The following ARHGAP42 variants were observed in gnomAD, a reference collection of about 807,000 sequenced individuals.
The protein encoded by ARHGAP42 is rho GTPase-activating protein 42.
ARHGAP42 carries 63 observed loss-of-function variants against 125.0 expected under a neutral mutation model. That is an observed-to-expected ratio of 0.50 (90% CI 0.41 to 0.62). ARHGAP42 has a LOEUF of 0.62. ARHGAP42 is among the 20% of genes least tolerant of loss of function. The probability of loss-of-function intolerance (pLI) is 0.00; values close to 1 mark genes in which losing one functional copy is unlikely to be tolerated. For missense variants in ARHGAP42, 766 were observed against 1,024.2 expected (o/e 0.75, Z 3.44); for synonymous variants, 339 against 351.0 (o/e 0.97, Z 0.38).
chr11:100,785,350 T>C (rs1297911615), intron 2 of ARHGAP42, among the ~76,000 whole-genome samples: 2 of 152,142 alleles, frequency 1.3e-5, no homozygotes, highest in Non-Finnish European at 2.9e-5. Context: ...GCTGGGTTCT[T>C]GGTAGAAAGA....
At chr11:100,896,932 G>A (rs1591276486) in intron 4 of ARHGAP42, among the ~76,000 whole-genome samples, 1 of 152,270 alleles carries the variant, frequency 6.6e-6, no homozygotes, top group East Asian at 1.9e-4. Context: ...TGTCCTGAAT[G>A]GTATTGCCTA....
At chr11:100,884,351 T>C (rs1866033679) in intron 4 of ARHGAP42, among the ~76,000 whole-genome samples, 1 of 152,208 alleles carries the variant, frequency 6.6e-6, no homozygotes. Flanking sequence ...GCCACGTCAG[T>C]CTTTCAATTC....
At chr11:100,955,935 A>G (rs1277226639) in intron 12 of ARHGAP42, among the ~76,000 whole-genome samples, 1 of 152,098 alleles carries the variant, frequency 6.6e-6, no homozygotes, top group Non-Finnish European at 1.5e-5. Flanking sequence ...CCATTACAGA[A>G]TGTGTTTGCC....
intron 3 of ARHGAP42, 33 bp from the exon 4 acceptor site, chr11:100,859,521 C>T: frequency 6.7e-7 from 1 of 1,499,064 alleles, no homozygotes; most frequent in South Asian, 1.3e-5. Flanking sequence ...TGAAATTATG[C>T]AAGATTTAAT....
rs909835629 is a variant in ARHGAP42, at chr11:100,976,918, G to A, written c.2340G>A (p.Arg780=). ...CAGACCTGCCTCCGAAAATGTGCAGGAGATTAAGACTAGACACTGCCTCAA... is the reference window on the plus strand; with the variant it reads ...CAGACCTGCCTCCGAAAATGTGCAGAAGATTAAGACTAGACACTGCCTCAA... ...PNPDLPPKMC[R]RLRLDTASSN... is the part of the protein sequence containing the mutation. Residue 780 remains arginine (R), a synonymous_variant, in exon 21 of 24, where the codon AGG becomes AGA. Transcript: ENST00000298815. 1.9e-6 allele frequency: 3 copies of A among 1,551,516 alleles called. No homozygotes were observed. Among genetic ancestry groups the A allele is most frequent in the Middle Eastern group, 1.7e-4 (1 of 5,992 alleles).
intron 3 of ARHGAP42, among the ~76,000 whole-genome samples, chr11:100,847,789 T>C (rs1417353699): frequency 6.6e-6 from 1 of 152,146 alleles, no homozygotes; most frequent in Non-Finnish European, 1.5e-5. Context: ...TAGAGAAGCC[T>C]GGGACCTGCA....
chr11:100,812,248 G>A (rs2135061149), intron 3 of ARHGAP42, among the ~76,000 whole-genome samples: 1 of 152,330 alleles, frequency 6.6e-6, no homozygotes, highest in African/African-American at 2.4e-5. Context: ...GCGGATGGTG[G>A]ACCATAGCAT....
intron 3 of ARHGAP42, among the ~76,000 whole-genome samples, chr11:100,837,735 G>A (rs1215341607): frequency 1.6e-5 from 2 of 125,886 alleles, no homozygotes; most frequent in African/African-American, 6.2e-5. Flanking sequence ...ATTGTATCAG[G>A]TGCACGATGA....
intron 1 of ARHGAP42, among the ~76,000 whole-genome samples, chr11:100,765,084 A>G (rs946390035): frequency 1.3e-5 from 2 of 152,220 alleles, no homozygotes; most frequent in Non-Finnish European, 2.9e-5. Flanking sequence ...TAGAGTAACA[A>G]TAAAAACATA....
rs1861105068 is a variant in ARHGAP42, at chr11:100,687,567, C to A, written c.-112C>A. ...CCGCGCAATCAGTCCCCTCGCGTCC[C>A]GGCGCCTTCCCCGCGATCGCGCGAC... On this transcript the variant is annotated 5_prime_UTR_variant, in exon 1 of 24. Transcript: ENST00000298815. 3 of 856,064 alleles carry A rather than the reference C, an allele frequency of 3.5e-6. No individual in the cohort carries two copies. Among genetic ancestry groups the A allele is most frequent in the South Asian group, 5.7e-5 (1 of 17,676 alleles). 53.0% of individuals were successfully genotyped at this position (856,064 alleles called of 1,614,324 possible).
At chr11:100,880,135 C>G (rs1231251755) in intron 4 of ARHGAP42, among the ~76,000 whole-genome samples, 1 of 152,050 alleles carries the variant, frequency 6.6e-6, no homozygotes, top group Non-Finnish European at 1.5e-5. Flanking sequence ...TATTAGTGAA[C>G]AGGTGGTGTT....
chr11:100,900,757 A>G (rs1042846221), intron 4 of ARHGAP42, among the ~76,000 whole-genome samples: 2 of 152,132 alleles, frequency 1.3e-5, no homozygotes, highest in African/African-American at 4.8e-5. Context: ...TTTCAGCTCC[A>G]TCAGGTCATT....
intron 1 of ARHGAP42, among the ~76,000 whole-genome samples, chr11:100,694,858 G>A (rs911424781): frequency 1.3e-5 from 2 of 152,116 alleles, no homozygotes; most frequent in African/African-American, 2.4e-5. Flanking sequence ...GTGAAACTCC[G>A]TCTCTACTAA....
chr11:100,964,414 T>G (rs1304657119), intron 16 of ARHGAP42, among the ~76,000 whole-genome samples: 1 of 152,210 alleles, frequency 6.6e-6, no homozygotes, highest in Non-Finnish European at 1.5e-5. Context: ...TTTTCACATA[T>G]GCGGAAAGAT....
chr11:100,933,578 A>T (rs11224522), intron 7 of ARHGAP42, among the ~76,000 whole-genome samples: 3 of 152,262 alleles, frequency 2.0e-5, no homozygotes, highest in East Asian at 3.9e-4. Flanking sequence ...CTTGAAATTT[A>T]TTGAGAGTTT....
In ARHGAP42 at chr11:100,925,095, GT is replaced by G. The variant is rs1867384302; in HGVS notation, c.597+3492del. Among the ~76,000 whole-genome samples the G allele has an allele frequency of 3.9e-5, 6 of 152,080 alleles. No individual in the cohort carries two copies. In the South Asian group the frequency reaches 1.2e-3, roughly 31 times the overall value. On this transcript the variant is annotated intron_variant, in intron 6 of 23. Coordinates refer to ENST00000298815, the MANE Select transcript of ARHGAP42 (RefSeq NM_152432.4). ...GATCCACCTGTTTTGGCCTCTCAAA[GT>G]GCTGGGATTACAGGCGTGAGCCACC... is the stretch of plus-strand genomic sequence containing the variant.
intron 1 of ARHGAP42, among the ~76,000 whole-genome samples, chr11:100,751,555 T>C (rs1209789332): frequency 6.6e-6 from 1 of 151,678 alleles, no homozygotes; most frequent in African/African-American, 2.4e-5. Flanking sequence ...AAACCTGTTG[T>C]AGATAAAGTA....
Position 100,873,962 on chromosome 11 carries a change from C to A in ARHGAP42, c.384+14337C>A, listed in dbSNP as rs192863013. On this transcript the variant is annotated intron_variant, in intron 4 of 23. Transcript: ENST00000298815. Reference sequence around the variant, plus strand: ...GTGAAAGGCTGGTGCTGAGAAACCACCCACCAGCCAATAATTAATAATTAT... The same window carrying A: ...GTGAAAGGCTGGTGCTGAGAAACCAACCACCAGCCAATAATTAATAATTAT... 3.3e-5 allele frequency among the ~76,000 whole-genome samples: 5 copies of A among 152,286 alleles called. No homozygotes were observed. The East Asian group carries it at 9.7e-4, about 29-fold the overall frequency.
intron 1 of ARHGAP42, among the ~76,000 whole-genome samples, chr11:100,715,748 G>A (rs1490170619): frequency 6.6e-6 from 1 of 152,156 alleles, no homozygotes; most frequent in Non-Finnish European, 1.5e-5. Flanking sequence ...ATTGGTGTGT[G>A]GTAATCCCCT....
Sources: gnomAD v4.1 joint callset for allele counts (sites outside exome capture counted in the v4.1 genomes callset) on GRCh38, gnomAD v4.1.1 for gene constraint, MANE v1.5 for transcripts, NCBI Gene and HGNC (gene_info 2026-07-23, HGNC 2026-07-21) for gene names.